The following AP4S1 variants were observed in gnomAD, a reference collection of about 807,000 sequenced individuals.
The protein encoded by AP4S1 is AP-4 complex subunit sigma-1.
A neutral mutation model predicts 19.8 loss-of-function variants in AP4S1; 23 were observed. The observed-to-expected ratio is 1.16, with a 90% confidence interval of 0.84 to 1.65. The LOEUF (loss-of-function observed/expected upper bound fraction) is 1.65, where lower values mean the gene tolerates loss of function less well. Among genes scored for constraint, AP4S1 ranks in the 40% most tolerant of loss-of-function variants. The probability of loss-of-function intolerance (pLI) is 0.00; values close to 1 mark genes in which losing one functional copy is unlikely to be tolerated. For synonymous variants in AP4S1, 46 were observed against 54.1 expected, an observed-to-expected ratio of 0.85 and a Z score of 0.66; for missense variants, 166 against 172.8, an observed-to-expected ratio of 0.96 and a Z score of 0.22.
At position 31,069,938 on chromosome 14, in the gene AP4S1, A is replaced by C; in HGVS notation, c.225+9A>C. ...GAGTTAATGACACTGAGGTAAGATAATAGAAGAGCCCTTGGAAAATGCAAG... is the reference window on the plus strand; with the variant it reads ...GAGTTAATGACACTGAGGTAAGATACTAGAAGAGCCCTTGGAAAATGCAAG... On this transcript the variant is annotated intron_variant, in intron 3 of 5. Coordinates refer to ENST00000542754, the MANE Select transcript of AP4S1 (RefSeq NM_001128126.3). The C allele has an allele frequency of 6.3e-7, 1 of 1,593,788 alleles. No individual in the cohort carries two copies. Among genetic ancestry groups the C allele is most frequent in the South Asian group, 1.1e-5 (1 of 90,632 alleles).
At chr14:31,083,566 G>T (rs979146376) in intron 5 of AP4S1, 2 of 443,366 alleles carry the variant, frequency 4.5e-6, no homozygotes, top group Non-Finnish European at 8.9e-6. Flanking sequence ...GTGCAGAGGT[G>T]CGATCATGGC....
intron 1 of AP4S1, among the ~76,000 whole-genome samples, chr14:31,051,981 A>G (rs1885823337): frequency 6.6e-6 from 1 of 152,160 alleles, no homozygotes; most frequent in Admixed American, 6.5e-5. Context: ...TTAATAATTA[A>G]AAGACATGGC....
chr14:31,043,477 G>T (rs1885225188), intron 1 of AP4S1, among the ~76,000 whole-genome samples: 1 of 152,134 alleles, frequency 6.6e-6, no homozygotes, highest in East Asian at 1.9e-4. Context: ...TCAAATTTCA[G>T]TAATCTTAGG....
intron 4 of AP4S1, among the ~76,000 whole-genome samples, chr14:31,076,940 A>AT (rs1042982579): frequency 1.3e-4 from 20 of 151,604 alleles, no homozygotes; most frequent in African/African-American, 3.9e-4. Context: ...TTTTATTTTT[A>AT]TTTTTTTTGA....
At chr14:31,067,590 C>T (rs1249101164) in intron 2 of AP4S1, among the ~76,000 whole-genome samples, 2 of 151,318 alleles carry the variant, frequency 1.3e-5, no homozygotes, top group Non-Finnish European at 2.9e-5. Context: ...TCTTGGCTCA[C>T]TGTAACCAAC....
chr14:31,086,627 G>T (rs910843844), intron 5 of AP4S1, among the ~76,000 whole-genome samples: 1 of 152,074 alleles, frequency 6.6e-6, no homozygotes, highest in African/African-American at 2.4e-5. Flanking sequence ...TGTTGGCCAG[G>T]CTGGTTTCCA....
At chr14:31,090,608 C>T (rs568402129) in intron 5 of AP4S1, among the ~76,000 whole-genome samples, 45 of 152,192 alleles carry the variant, frequency 3.0e-4, no homozygotes, top group Non-Finnish European at 5.7e-4. Flanking sequence ...CAGTCTGGGC[C>T]CTTCTTACTT....
rs1413461222 is a variant in AP4S1 at position 31,025,709 on chromosome 14, G to A, written c.-150G>A. 1.3e-5 allele frequency: 11 copies of A among 818,280 alleles called. No individual in the cohort carries two copies. The highest frequency in any genetic ancestry group is 1.8e-5 in the Non-Finnish European group (10 of 542,776). 50.7% of individuals were successfully genotyped at this position (818,280 alleles called of 1,614,324 possible). Reference sequence around the variant, plus strand: ...CACCGCGTAGCCAGTGAAGGTTGGGGAGCAAGCTTATGCGGGAAAGAGGGA... The same window carrying A: ...CACCGCGTAGCCAGTGAAGGTTGGGAAGCAAGCTTATGCGGGAAAGAGGGA... On this transcript the variant is annotated 5_prime_UTR_variant, in exon 1 of 6. Coordinates refer to ENST00000542754, the MANE Select transcript of AP4S1 (RefSeq NM_001128126.3).
At chr14:31,061,083 G>C (rs1232503902) in intron 1 of AP4S1, among the ~76,000 whole-genome samples, 2 of 152,114 alleles carry the variant, frequency 1.3e-5, no homozygotes, top group Non-Finnish European at 2.9e-5. Context: ...TAGAGACCGA[G>C]TTTCACCATG....
intron 1 of AP4S1, among the ~76,000 whole-genome samples, chr14:31,063,963 A>G (rs992487988): frequency 3.9e-5 from 6 of 152,226 alleles, no homozygotes; most frequent in African/African-American, 1.4e-4. Flanking sequence ...AAACGTGAAT[A>G]CAATATTGTC....
chr14:31,065,554 A>G (rs1260189235), intron 1 of AP4S1, among the ~76,000 whole-genome samples: 1 of 152,260 alleles, frequency 6.6e-6, no homozygotes. Context: ...AAAATGAATG[A>G]GTAAATTGAA....
At chr14:31,041,223 C>T (rs1885094940) in intron 1 of AP4S1, among the ~76,000 whole-genome samples, 1 of 152,044 alleles carries the variant, frequency 6.6e-6, no homozygotes, top group Admixed American at 6.5e-5. Flanking sequence ...AATCTCTGCT[C>T]ACTGCAACCT....
intron 1 of AP4S1, among the ~76,000 whole-genome samples, chr14:31,046,054 C>T (rs1375558194): frequency 6.6e-6 from 1 of 151,584 alleles, no homozygotes; most frequent in Non-Finnish European, 1.5e-5. Context: ...GCAACCTCCG[C>T]CTCCCAGGTT....
intron 5 of AP4S1, among the ~76,000 whole-genome samples, chr14:31,081,707 T>C (rs1887645366): frequency 1.3e-5 from 2 of 150,182 alleles, no homozygotes; most frequent in South Asian, 4.2e-4. Flanking sequence ...TAACAATGTT[T>C]ATGTGTATAT....
intron 3 of AP4S1, 121 bp from the exon 4 acceptor site, chr14:31,072,784 T>C: frequency 1.3e-6 from 1 of 771,730 alleles, no homozygotes; most frequent in Non-Finnish European, 2.3e-6. Context: ...GCTACTTTCC[T>C]CACATTATCG....
At chr14:31,027,719 A>G (rs1305688000) in intron 1 of AP4S1, among the ~76,000 whole-genome samples, 1 of 152,232 alleles carries the variant, frequency 6.6e-6, no homozygotes, top group East Asian at 1.9e-4. Context: ...CAAGGCTAAT[A>G]TTTTAAGTAC....
chr14:31,092,472 A>G (rs1274069595), intron 5 of AP4S1, among the ~76,000 whole-genome samples: 3 of 151,422 alleles, frequency 2.0e-5, no homozygotes, highest in South Asian at 2.1e-4. Context: ...GTAACAACAT[A>G]CATCAGAGAT....
At chr14:31,050,819 T>C (rs1425542156) in intron 1 of AP4S1, among the ~76,000 whole-genome samples, 2 of 152,226 alleles carry the variant, frequency 1.3e-5, no homozygotes, top group Non-Finnish European at 2.9e-5. Context: ...CCCTCCACGA[T>C]ACCATGTTGC....
chr14:31,046,495 GTTCATCTA>G (rs969166150), intron 1 of AP4S1, among the ~76,000 whole-genome samples: 2 of 151,974 alleles, frequency 1.3e-5, no homozygotes, highest in African/African-American at 4.8e-5. Context: ...ACCATGTTTT[GTTCATCTA>G]TTCATTAGCT....
Sources: gnomAD v4.1 joint callset for allele counts (sites outside exome capture counted in the v4.1 genomes callset) on GRCh38, gnomAD v4.1.1 for gene constraint, MANE v1.5 for transcripts, NCBI Gene and HGNC (gene_info 2026-07-23, HGNC 2026-07-21) for gene names.